Variants in UGGT2 observed in about 807,000 individuals in gnomAD.
UGGT2 encodes the protein UDP-glucose:glycoprotein glucosyltransferase 2.
In UGGT2, 180 loss-of-function variants were observed where a neutral mutation model predicts 192.1. The observed-to-expected ratio is 0.94, with a 90% confidence interval of 0.83 to 1.06. The LOEUF (loss-of-function observed/expected upper bound fraction) is 1.06, where lower values mean the gene tolerates loss of function less well. Ranked by LOEUF, UGGT2 falls within the 50% of genes least tolerant of loss-of-function variation. UGGT2 has a pLI of 0.00. For missense variants in UGGT2, 1,849 were observed against 1,795.7 expected (o/e 1.03, Z -0.54); for synonymous variants, 580 against 591.0 (o/e 0.98, Z 0.27).
chr13:95,870,340 T>A (rs1367762593), intron 29 of UGGT2, among the ~76,000 whole-genome samples: 3 of 152,186 alleles, frequency 2.0e-5, no homozygotes, highest in Non-Finnish European at 4.4e-5. Flanking sequence ...AAGGTTTTGG[T>A]TGATAATTAG....
intron 29 of UGGT2, among the ~76,000 whole-genome samples, chr13:95,871,501 A>C (rs1469950193): frequency 2.0e-5 from 3 of 152,192 alleles, no homozygotes; most frequent in Non-Finnish European, 4.4e-5. Context: ...TAAGGAGAAG[A>C]CACTTTGCAA....
At chr13:95,995,743 A>AT (rs2051597950) in intron 7 of UGGT2, among the ~76,000 whole-genome samples, 1 of 152,186 alleles carries the variant, frequency 6.6e-6, no homozygotes, top group Admixed American at 6.5e-5. Flanking sequence ...GTGCAAAACA[A>AT]TATGTTGTGT....
chr13:96,007,224 G>A (rs1198749957), intron 5 of UGGT2, among the ~76,000 whole-genome samples: 6 of 152,088 alleles, frequency 3.9e-5, no homozygotes, highest in Non-Finnish European at 7.4e-5. Flanking sequence ...GTGCTGAAAA[G>A]GCATTTGACA....
intron 17 of UGGT2, among the ~76,000 whole-genome samples, chr13:95,930,668 T>C (rs780829636): frequency 3.9e-5 from 6 of 152,226 alleles, no homozygotes; most frequent in African/African-American, 7.2e-5. Context: ...AGCCTCATAG[T>C]GTACTGTGAA....
chr13:95,952,469 C>A (rs761144734), intron 12 of UGGT2, among the ~76,000 whole-genome samples: 3 of 152,172 alleles, frequency 2.0e-5, no homozygotes, highest in Non-Finnish European at 4.4e-5. Flanking sequence ...TACCTTAAAT[C>A]ATCTCTAGAT....
At chr13:96,018,344 C>T (rs1463456876) in intron 4 of UGGT2, among the ~76,000 whole-genome samples, 2 of 151,982 alleles carry the variant, frequency 1.3e-5, no homozygotes, top group African/African-American at 4.8e-5. Flanking sequence ...AGCAAGACCC[C>T]GTCTCTACAA....
At chr13:95,906,326 A>C (rs1348553992) in intron 20 of UGGT2, among the ~76,000 whole-genome samples, 5 of 152,180 alleles carry the variant, frequency 3.3e-5, no homozygotes, top group Non-Finnish European at 7.3e-5. Flanking sequence ...AAACTATATA[A>C]TTAATTCTAA....
At chr13:96,013,237 G>T in intron 5 of UGGT2, 70 bp downstream of exon 5, 1 of 1,408,528 alleles carries the variant, frequency 7.1e-7, no homozygotes, top group Non-Finnish European at 9.5e-7. Flanking sequence ...TTTAAATCTA[G>T]TAAGACGATT....
At chr13:95,860,069 C>T (rs73556793) in intron 32 of UGGT2, among the ~76,000 whole-genome samples, 2,482 of 152,052 alleles carry the variant, frequency 0.016, 61 homozygotes, top group African/African-American at 0.057. Context: ...CTGGATGGGT[C>T]ATTTGGTTTG....
Position 95,854,395 on chromosome 13 carries a change from G to T in UGGT2, c.4089C>A (p.Ser1363Arg). 1.9e-6 allele frequency: 3 copies of T among 1,613,852 alleles called. No individual in the cohort carries two copies. Among genetic ancestry groups the T allele is most frequent in the Non-Finnish European group, 2.5e-6 (3 of 1,179,888 alleles). The change falls in exon 35 of 39, where the codon AGC (serine) becomes AGA (arginine). Residue 1363 changes from serine (S) to arginine (R), a missense_variant. Ser to Arg is a moderately radical substitution (Grantham distance 110). Transcript: ENST00000376747. ...APYGYTPFCD[S>R]RREMDGYRFW... Reference sequence around the variant, plus strand: ...AACGATATCCATCCATTTCCCTGCGGCTATCACAAAATGGAGTATACCCAT... The same window carrying T: ...AACGATATCCATCCATTTCCCTGCGTCTATCACAAAATGGAGTATACCCAT...
At chr13:95,945,038 T>C (rs1566737963) in intron 15 of UGGT2, among the ~76,000 whole-genome samples, 1 of 152,008 alleles carries the variant, frequency 6.6e-6, no homozygotes, top group Non-Finnish European at 1.5e-5. Flanking sequence ...ACCTTAGATT[T>C]CATTTGTGAT....
intron 20 of UGGT2, among the ~76,000 whole-genome samples, chr13:95,923,526 G>A (rs932002906): frequency 6.6e-6 from 1 of 151,978 alleles, no homozygotes; most frequent in Non-Finnish European, 1.5e-5. Flanking sequence ...GTGCCATCAC[G>A]TCCAGCAAAT....
chr13:95,925,778 A>C lies in UGGT2; in HGVS notation c.2201-4T>G. The C allele has an allele frequency of 6.5e-7, 1 of 1,528,912 alleles. No homozygotes were observed. Among genetic ancestry groups the C allele is most frequent in the Non-Finnish European group, 8.8e-7 (1 of 1,133,948 alleles). 94.7% of individuals were successfully genotyped at this position (1,528,912 alleles called of 1,614,324 possible). A position where few individuals can be genotyped will look rare whatever the true frequency, so the allele number is the denominator to read the frequency against. On this transcript the variant is annotated splice_polypyrimidine_tract_variant and splice_region_variant and intron_variant, in intron 19 of 38. Coordinates refer to ENST00000376747, the MANE Select transcript of UGGT2 (RefSeq NM_020121.4). ...ACTGCAGAAATTATACTCTCATCTG[A>C]AAGTTTCAAACAGTTTACTCAAATT...
At chr13:96,002,222 G>T (rs923283344) in intron 5 of UGGT2, among the ~76,000 whole-genome samples, 2 of 152,162 alleles carry the variant, frequency 1.3e-5, no homozygotes, top group African/African-American at 4.8e-5. Context: ...ATAGTCTTAA[G>T]GTGCTACTGT....
At chr13:95,840,042 T>A (rs1378734448) in intron 36 of UGGT2, among the ~76,000 whole-genome samples, 1 of 152,068 alleles carries the variant, frequency 6.6e-6, no homozygotes, top group East Asian at 1.9e-4. Flanking sequence ...ATAAACACAT[T>A]TAAATCTCTG....
Position 95,807,716 on chromosome 13 carries a change from C to CTT in UGGT2, c.4529-5906_4529-5905dup. Among the ~76,000 whole-genome samples the CTT allele has an allele frequency of 2.6e-3, 201 of 78,698 alleles. 12 individuals carry two copies. The highest frequency in any genetic ancestry group is 7.1e-3 in the Middle Eastern group (1 of 140). 51.6% of individuals were successfully genotyped at this position (78,698 alleles called of 152,430 possible). On this transcript the variant is annotated intron_variant, in intron 38 of 38. Coordinates refer to ENST00000376747, the MANE Select transcript of UGGT2 (RefSeq NM_020121.4). ...GTATCTTGAAACCCTCAGCCCTCAC[C>CTT]TTTTTTTTTTTTTTTTTTTGCCGTA...
intron 22 of UGGT2, among the ~76,000 whole-genome samples, chr13:95,896,441 A>G (rs2047948560): frequency 6.6e-6 from 1 of 152,126 alleles, no homozygotes. Flanking sequence ...TTAAGACGTG[A>G]TATAATTTTT....
intron 17 of UGGT2, among the ~76,000 whole-genome samples, chr13:95,929,806 T>C (rs1242251210): frequency 6.6e-6 from 1 of 152,160 alleles, no homozygotes; most frequent in Admixed American, 6.5e-5. Flanking sequence ...TACCCAGTAA[T>C]GGGATTGCTG....
At chr13:95,936,785 A>C in intron 17 of UGGT2, 139 bp downstream of exon 17, 1 of 891,530 alleles carries the variant, frequency 1.1e-6, no homozygotes, top group Admixed American at 3.5e-5. Flanking sequence ...AGCTGCTAAA[A>C]GTATCATTTT....
Sources: gnomAD v4.1 joint callset for allele counts (sites outside exome capture counted in the v4.1 genomes callset) on GRCh38, gnomAD v4.1.1 for gene constraint, MANE v1.5 for transcripts, NCBI Gene and HGNC (gene_info 2026-07-23, HGNC 2026-07-21) for gene names.